Variants in ADGRF1 observed in about 807,000 individuals in gnomAD.
ADGRF1 encodes the protein adhesion G protein-coupled receptor F1, also known as G protein-coupled receptor 110.
In ADGRF1, 85 loss-of-function variants were observed where a neutral mutation model predicts 87.2. That is an observed-to-expected ratio of 0.97 (90% confidence interval 0.82 to 1.17). The LOEUF (loss-of-function observed/expected upper bound fraction) is 1.17. ADGRF1 is among the 50% of genes most tolerant of loss of function. The pLI is 0.00. For missense variants in ADGRF1, 1,169 were observed against 1,077.2 expected, an observed-to-expected ratio of 1.09 and a Z score of -1.19; for synonymous variants, 430 against 408.8, an observed-to-expected ratio of 1.05 and a Z score of -0.63.
At chr6:47,026,750 A>G (rs1164262605) in intron 3 of ADGRF1, among the ~76,000 whole-genome samples, 1 of 152,136 alleles carries the variant, frequency 6.6e-6, no homozygotes, top group Non-Finnish European at 1.5e-5. Context: ...AAGACCTGAC[A>G]TCTCACACCA....
chr6:47,029,129 G>T, intron 1 of ADGRF1, 25 bp from the exon 2 acceptor site: 1 of 1,301,924 alleles, frequency 7.7e-7, no homozygotes, highest in Non-Finnish European at 1.1e-6. Flanking sequence ...TACCAGGTAA[G>T]GTAGAGGCAC....
In ADGRF1 at chr6:46,999,106, G is replaced by C. The variant is rs1779288239; in HGVS notation, c.*1116C>G. ...ATGGTCACGGCTGAAACTCAGGTAG[G>C]TGAGCCAAATGTGATGGAAGTATGG... is the stretch of plus-strand genomic sequence containing the variant. On this transcript the variant is annotated 3_prime_UTR_variant, in exon 15 of 15. Coordinates refer to ENST00000371253, the MANE Select transcript of ADGRF1 (RefSeq NM_153840.4). 1 of 152,252 alleles carries C rather than the reference G, an allele frequency of 6.6e-6. No individual in the cohort carries two copies. Among genetic ancestry groups the C allele is most frequent in the Non-Finnish European group, 1.5e-5 (1 of 68,082 alleles). The allele number at this position is 152,252 out of a possible 1,614,324, so 9.4% of individuals were successfully genotyped here.
chr6:47,031,006 G>A (rs1324380160), intron 1 of ADGRF1, among the ~76,000 whole-genome samples: 1 of 152,058 alleles, frequency 6.6e-6, no homozygotes, highest in African/African-American at 2.4e-5. Flanking sequence ...CAAGTGATCC[G>A]CCTGCTTCGG....
At chr6:47,035,125 A>G (rs75766858) in intron 1 of ADGRF1, among the ~76,000 whole-genome samples, 1,734 of 152,282 alleles carry the variant, frequency 0.011, 39 homozygotes, top group African/African-American at 0.039. Context: ...GCTTAGCTGC[A>G]AGCCTCATGG....
At position 47,010,138 on chromosome 6, in the gene ADGRF1, C is replaced by T. The variant is rs548677249; in HGVS notation, c.1297G>A (p.Gly433Arg). 5.6e-6 allele frequency: 9 copies of T among 1,614,130 alleles called. No homozygotes were observed. Among genetic ancestry groups the T allele is most frequent in the African/African-American group, 4.0e-5 (3 of 75,036 alleles). ...NFSRKFIDWKGIPVNKSQLKR... is the reference protein window; with the variant it reads ...NFSRKFIDWKRIPVNKSQLKR... Reference sequence around the variant, plus strand: ...AGTTGGCTTTTGTTCACTGGAATCCCTTTCCAGTCAATGAATTTCCGAGAA... The same window carrying T: ...AGTTGGCTTTTGTTCACTGGAATCCTTTTCCAGTCAATGAATTTCCGAGAA... Residue 433 changes from glycine (G) to arginine (R), a missense_variant, in exon 11 of 15, where the codon GGG becomes AGG. Physicochemically the swap from Gly to Arg is moderately radical, Grantham distance 125. Transcript: ENST00000371253.
chr6:47,035,088 C>T (rs958921819), intron 1 of ADGRF1, among the ~76,000 whole-genome samples: 1 of 152,176 alleles, frequency 6.6e-6, no homozygotes, highest in African/African-American at 2.4e-5. Flanking sequence ...CACAGAAGAC[C>T]AGTCCAGCTC....
At chr6:47,007,204 G>C in intron 12 of ADGRF1, 49 bp downstream of exon 12, 1 of 1,133,208 alleles carries the variant, frequency 8.8e-7, no homozygotes, top group Admixed American at 2.0e-5. Flanking sequence ...AGGGGAGGGG[G>C]CCTAAGATGT....
intron 9 of ADGRF1, chr6:47,012,948 T>A: frequency 3.3e-6 from 2 of 600,590 alleles, no homozygotes; most frequent in Non-Finnish European, 4.2e-6. Flanking sequence ...TGTTTTTGTA[T>A]CCTTAGTAGA....
intron 8 of ADGRF1, 63 bp from the exon 9 acceptor site, chr6:47,014,907 C>T: frequency 6.7e-7 from 1 of 1,491,210 alleles, no homozygotes; most frequent in South Asian, 1.4e-5. Context: ...TCTATATAAA[C>T]CATGTAGTCA....
chr6:47,007,421 TG>T lies in ADGRF1; in HGVS notation c.2491-128del, dbSNP rs1377465119. On this transcript the variant is annotated intron_variant, in intron 11 of 14. Transcript: ENST00000371253. Reference sequence around the variant, plus strand: ...TTTCTTGTCTGTCTCCTTAAGAGACTGTAGTCTCCTTGAAAGCAAGAACACC... The same window carrying T: ...TTTCTTGTCTGTCTCCTTAAGAGACTTAGTCTCCTTGAAAGCAAGAACACC... 2.2e-3 allele frequency: 1,251 copies of T among 559,008 alleles called. 13 individuals are homozygous for T. Among genetic ancestry groups the T allele is most frequent in the African/African-American group, 0.022 (1,135 of 51,608 alleles). The allele number at this position is 559,008 out of a possible 1,614,324, so 34.6% of individuals were successfully genotyped here. A position where few individuals can be genotyped will look rare whatever the true frequency, so the allele number is the denominator to read the frequency against.
In ADGRF1 at chr6:47,009,959, G is replaced by A. The variant is rs533540978; in HGVS notation, c.1476C>T (p.Pro492=). The change falls in exon 11 of 15, where the codon CCC becomes CCT. Residue 492 remains proline, a synonymous_variant. Coordinates refer to ENST00000371253, the MANE Select transcript of ADGRF1 (RefSeq NM_153840.4). ...CCTGAGCATTTCCATTTTTGGAAAC[G>A]GGTAGAATGTTCCCCAGAGTCAACG... is the stretch of plus-strand genomic sequence containing the variant. ...MASLTLGNIL[P]VSKNGNAQVN... is the part of the protein sequence containing the mutation. 294 of 1,614,108 alleles carry A rather than the reference G, an allele frequency of 1.8e-4. 1 individual carries two copies. The South Asian group carries it at 2.8e-3, about 15-fold the overall frequency.
intron 1 of ADGRF1, among the ~76,000 whole-genome samples, chr6:47,030,795 C>T (rs528203041): frequency 2.9e-4 from 44 of 151,804 alleles, no homozygotes; most frequent in African/African-American, 1.0e-3. Flanking sequence ...TGGAGTTTCT[C>T]TCTGTTGCCC....
At chr6:47,032,390 T>A (rs1013819555) in intron 1 of ADGRF1, among the ~76,000 whole-genome samples, 1 of 148,002 alleles carries the variant, frequency 6.8e-6, no homozygotes, top group African/African-American at 2.7e-5. Context: ...ATAAACAATA[T>A]TTTTTTAGTT....
In ADGRF1 at chr6:47,029,102, T is replaced by C; in HGVS notation, c.-41A>G. The C allele has an allele frequency of 1.3e-6, 2 of 1,527,834 alleles. No individual in the cohort carries two copies. The highest frequency in any genetic ancestry group is 2.2e-5 in the South Asian group (2 of 89,220). 94.6% of individuals were successfully genotyped at this position (1,527,834 alleles called of 1,614,324 possible). ...CAGCAGCAGTCGGGTGCATAGTCTG[T>C]GACTAAACAAGCAGGGTACCAGGTA... On this transcript the variant is annotated splice_region_variant and 5_prime_UTR_variant, in exon 2 of 15. Coordinates refer to ENST00000371253, the MANE Select transcript of ADGRF1 (RefSeq NM_153840.4).
At chr6:47,007,210 G>C (rs747098740) in intron 12 of ADGRF1, 43 bp downstream of exon 12, 2 of 1,247,174 alleles carry the variant, frequency 1.6e-6, no homozygotes, top group Non-Finnish European at 1.2e-6. Flanking sequence ...GGGGGCCTAA[G>C]ATGTCTAGGC....
chr6:47,013,656 T>C (rs1779773580), intron 9 of ADGRF1: 1 of 985,290 alleles, frequency 1.0e-6, no homozygotes, highest in Non-Finnish European at 1.2e-6. Context: ...GTGGAGGGCA[T>C]AGCACCTGAT....
Position 47,027,772 on chromosome 6 carries a change from G to GA in ADGRF1, c.70-12dup, listed in dbSNP as rs3842121. 355,066 of 1,409,648 alleles carry GA rather than the reference G, an allele frequency of 0.25. 46,196 individuals carry two copies. The highest frequency in any genetic ancestry group is 0.35 in the South Asian group (30,047 of 85,400). The allele number at this position is 1,409,648 out of a possible 1,614,324, so 87.3% of individuals were successfully genotyped here. ...GATGCCATCATTTTTCTGTTAAAAA[G>GA]AAAAAAAATAGTTACGGTGAGACTT... On this transcript the variant is annotated splice_polypyrimidine_tract_variant and intron_variant, in intron 2 of 14. Coordinates refer to ENST00000371253, the MANE Select transcript of ADGRF1 (RefSeq NM_153840.4).
At chr6:47,033,397 A>G (rs982582226) in intron 1 of ADGRF1, among the ~76,000 whole-genome samples, 7 of 152,248 alleles carry the variant, frequency 4.6e-5, no homozygotes, top group Non-Finnish European at 1.0e-4. Context: ...ATTTATGCCA[A>G]CAGCTGTCTC....
chr6:47,012,256 A>C, intron 9 of ADGRF1, 61 bp from the exon 10 acceptor site: 1 of 1,580,078 alleles, frequency 6.3e-7, no homozygotes, highest in Non-Finnish European at 8.6e-7. Flanking sequence ...ATCAAATTTA[A>C]ATCAGATGTC....
Sources: allele counts gnomAD v4.1 joint callset (sites outside exome capture counted in the v4.1 genomes callset), GRCh38; gene constraint gnomAD v4.1.1; transcripts MANE v1.5; gene names NCBI Gene and HGNC (gene_info 2026-07-23, HGNC 2026-07-21).